Variants in PSPC1 observed in about 807,000 individuals in gnomAD.
PSPC1 encodes paraspeckle protein 1.
A neutral mutation model predicts 51.6 loss-of-function variants in PSPC1; 14 were observed. That is an observed-to-expected ratio of 0.27 (90% CI 0.18 to 0.42). The LOEUF (loss-of-function observed/expected upper bound fraction) is 0.42, where lower values mean the gene tolerates loss of function less well. PSPC1 is among the 10% of genes least tolerant of loss of function. The pLI, the probability that PSPC1 is intolerant of heterozygous loss-of-function variation, is 1.00. For missense variants in PSPC1, 406 were observed against 701.1 expected (o/e 0.58, Z 4.75); for synonymous variants, 193 against 231.9 (o/e 0.83, Z 1.53).
intron 5 of PSPC1, among the ~76,000 whole-genome samples, chr13:19,736,380 G>A (rs1193471913): frequency 2.6e-5 from 4 of 151,918 alleles, no homozygotes; most frequent in Non-Finnish European, 4.4e-5. Context: ...AAAAAATCAC[G>A]CAATAAAAAA....
downstream of PSPC1, chr13:19,671,400 C>A: frequency 1.1e-6 from 1 of 882,852 alleles, no homozygotes; most frequent in South Asian, 1.5e-5. Flanking sequence ...GTCCTAGAGA[C>A]AGGCACTCCC....
Position 19,716,095 on chromosome 13 carries a change from A to G in PSPC1, c.1159-6496T>C, listed in dbSNP as rs538978391. Among the ~76,000 whole-genome samples the G allele has an allele frequency of 3.2e-4, 49 of 152,368 alleles. No homozygotes were observed. The South Asian group carries it at 6.2e-3, about 19-fold the overall frequency. On this transcript the variant is annotated intron_variant, in intron 6 of 8. Coordinates refer to ENST00000338910, the MANE Select transcript of PSPC1 (RefSeq NM_001354909.2). ...TATGTATATAAGACATATATGAAAC[A>G]TAAGTGAATTTCATATTTGGATCTG... is the stretch of plus-strand genomic sequence containing the variant.
intron 1 of PSPC1, 141 bp from the exon 2 acceptor site, chr13:19,772,684 A>G: frequency 2.7e-6 from 2 of 734,470 alleles, no homozygotes; most frequent in Non-Finnish European, 4.3e-6. Flanking sequence ...TAACTTTGGT[A>G]TCACATGGTT....
chr13:19,718,453 T>C (rs1261777136), intron 6 of PSPC1, among the ~76,000 whole-genome samples: 1 of 152,184 alleles, frequency 6.6e-6, no homozygotes, highest in African/African-American at 2.4e-5. Context: ...CCTACTAGAA[T>C]GGTGACAATC....
At chr13:19,748,873 C>A (rs1886253685) in intron 4 of PSPC1, among the ~76,000 whole-genome samples, 1 of 151,668 alleles carries the variant, frequency 6.6e-6, no homozygotes, top group African/African-American at 2.4e-5. Context: ...CAAGATGATT[C>A]TAATGGGTAA....
chr13:19,774,805 CAAAAAAAAAAAAACA>C (rs1299179705), intron 1 of PSPC1, among the ~76,000 whole-genome samples: 1 of 56,180 alleles, frequency 1.8e-5, no homozygotes, highest in Admixed American at 1.9e-4. Flanking sequence ...ACTCTGTGTC[CAAAAAAAAAAAAACA>C]AAAAAAAAAA....
At chr13:19,754,822 G>A (rs1349483153) in intron 3 of PSPC1, among the ~76,000 whole-genome samples, 4 of 152,108 alleles carry the variant, frequency 2.6e-5, no homozygotes, top group Non-Finnish European at 5.9e-5. Flanking sequence ...TAACAACCTT[G>A]TACTTCTAGT....
chr13:19,701,069 C>A (rs1434911264), downstream of PSPC1, among the ~76,000 whole-genome samples: 1 of 152,250 alleles, frequency 6.6e-6, no homozygotes. Flanking sequence ...TTTCTTGATG[C>A]TGGGAAAAAG....
At chr13:19,698,900 GA>G (rs879256729), downstream of PSPC1, among the ~76,000 whole-genome samples, 17 of 151,300 alleles carry the variant, frequency 1.1e-4, no homozygotes, top group Admixed American at 9.9e-4. Flanking sequence ...TATTCAAAAG[GA>G]AAAAATGTCA....
At chr13:19,728,901 T>A (rs530942470) in intron 6 of PSPC1, among the ~76,000 whole-genome samples, 87 of 152,274 alleles carry the variant, frequency 5.7e-4, no homozygotes, top group East Asian at 7.7e-4. Context: ...TAAAATTTTT[T>A]AAAAAACATA....
intron 6 of PSPC1, among the ~76,000 whole-genome samples, chr13:19,695,862 CTG>C (rs753892346): frequency 6.6e-6 from 1 of 151,388 alleles, no homozygotes; most frequent in African/African-American, 2.4e-5. Flanking sequence ...ACAGGAAAAA[CTG>C]TGAAAAAGTC....
intron 6 of PSPC1, among the ~76,000 whole-genome samples, chr13:19,711,821 G>A (rs1162879368): frequency 6.0e-5 from 9 of 150,262 alleles, no homozygotes; most frequent in Non-Finnish European, 8.9e-5. Flanking sequence ...TCCAGCCTGG[G>A]TAACAAGAGC....
At chr13:19,721,032 C>CAAAA (rs35991371) in intron 6 of PSPC1, among the ~76,000 whole-genome samples, 1 of 151,552 alleles carries the variant, frequency 6.6e-6, no homozygotes, top group Non-Finnish European at 1.5e-5. Context: ...TAATACTGAA[C>CAAAA]ATAGACATTA....
At chr13:19,707,267 A>G (rs750736990) in intron 7 of PSPC1, among the ~76,000 whole-genome samples, 3 of 152,196 alleles carry the variant, frequency 2.0e-5, no homozygotes, top group African/African-American at 7.2e-5. Context: ...ATCAAAAATA[A>G]TATTTCCAAC....
downstream of PSPC1, chr13:19,671,958 A>C: frequency 1.4e-6 from 2 of 1,417,714 alleles, no homozygotes; most frequent in Non-Finnish European, 2.0e-6. Flanking sequence ...CTTCTAGCAC[A>C]TCTATGTAAA....
chr13:19,755,968 G>T (rs547213230), intron 3 of PSPC1, among the ~76,000 whole-genome samples: 7 of 152,134 alleles, frequency 4.6e-5, no homozygotes, highest in Non-Finnish European at 1.0e-4. Flanking sequence ...CGGGCGCAGT[G>T]GCTCACATCT....
chr13:19,713,545 CAAA>C (rs61024238), intron 6 of PSPC1, among the ~76,000 whole-genome samples: 5 of 87,206 alleles, frequency 5.7e-5, no homozygotes, highest in South Asian at 4.8e-4. Flanking sequence ...CCCAGACAGC[CAAA>C]AAAAAAAAAA....
At chr13:19,719,424 G>T (rs533862720) in intron 6 of PSPC1, among the ~76,000 whole-genome samples, 1 of 152,040 alleles carries the variant, frequency 6.6e-6, no homozygotes, top group Non-Finnish European at 1.5e-5. Flanking sequence ...CCTGCCTCAG[G>T]CTCCCTAGTA....
chr13:19,753,283 CAAAAA>C (rs1184204944), intron 3 of PSPC1, among the ~76,000 whole-genome samples: 1 of 64,536 alleles, frequency 1.5e-5, no homozygotes, highest in Non-Finnish European at 3.2e-5. Context: ...GACTCCATCT[CAAAAA>C]AAAAAAAAAA....
Sources: allele counts gnomAD v4.1 joint callset (sites outside exome capture counted in the v4.1 genomes callset), GRCh38; gene constraint gnomAD v4.1.1; transcripts MANE v1.5; gene names NCBI Gene and HGNC (gene_info 2026-07-23, HGNC 2026-07-21).